RELN: variants seen among roughly 807,000 people sequenced by gnomAD.
RELN encodes reelin.
A neutral mutation model predicts 427.6 loss-of-function variants in RELN; 108 were observed. The observed-to-expected ratio is 0.25, with a 90% confidence interval of 0.22 to 0.30. RELN has a LOEUF of 0.30. Among genes scored for constraint, RELN ranks in the 10% least tolerant of loss-of-function variants. The pLI, the probability that RELN is intolerant of heterozygous loss-of-function variation, is 1.00. For missense variants in RELN, 3,715 were observed against 4,302.8 expected, an observed-to-expected ratio of 0.86 and a Z score of 3.82; for synonymous variants, 1,524 against 1,513.4, an observed-to-expected ratio of 1.01 and a Z score of -0.16.
chr7:103,478,094 C>A (rs984515677), intron 64 of RELN, among the ~76,000 whole-genome samples: 1 of 152,130 alleles, frequency 6.6e-6, no homozygotes, highest in South Asian at 2.1e-4. Flanking sequence ...AAGCACAGAG[C>A]AGAATCTAAG....
chr7:103,717,431 C>G (rs1394895563), intron 8 of RELN, among the ~76,000 whole-genome samples: 1 of 150,992 alleles, frequency 6.6e-6, no homozygotes, highest in East Asian at 1.9e-4. Context: ...CAGTTTCACA[C>G]CTTTACTTAC....
At chr7:103,615,963 C>G (rs1832069933) in intron 20 of RELN, among the ~76,000 whole-genome samples, 1 of 152,088 alleles carries the variant, frequency 6.6e-6, no homozygotes, top group Admixed American at 6.6e-5. Context: ...ACACACATAG[C>G]CAAAGTAAGT....
At chr7:103,899,647 A>C (rs540216271) in intron 2 of RELN, among the ~76,000 whole-genome samples, 251 of 152,070 alleles carry the variant, frequency 1.7e-3, no homozygotes, top group African/African-American at 5.5e-3. Context: ...CATACACAAC[A>C]TACACAAATT....
Position 103,635,478 on chromosome 7 carries a change from C to T in RELN, c.2412G>A (p.Gly804=). The change falls in exon 19 of 65, where the codon GGG becomes GGA. Residue 804 remains glycine (G), a synonymous_variant. Coordinates refer to ENST00000428762, the MANE Select transcript of RELN (RefSeq NM_005045.4). Reference sequence around the variant, plus strand: ...AATGCTCCAGGAGTTTCCAAGTTATCCCATTATCATAAGAATAATGCAACA... The same window carrying T: ...AATGCTCCAGGAGTTTCCAAGTTATTCCATTATCATAAGAATAATGCAACA... ...GVLLHYSYDN[G]ITWKLLEHYS... 6.2e-7 allele frequency: 1 copy of T among 1,613,900 alleles called. No individual in the cohort carries two copies. The highest frequency in any genetic ancestry group is 8.5e-7 in the Non-Finnish European group (1 of 1,179,870).
Position 103,522,167 on chromosome 7 carries a change from T to A in RELN, c.7523A>T (p.Asp2508Val), listed in dbSNP as rs1315413881. The stretch of plus-strand genomic sequence containing the variant: ...GGTTGGAAGAGAGGTCTCGGGGTCA[T>A]CACAGTACAGGCCACCCCACTGTTC... ...CDEQWGGLYC[D>V]DPETSLPTQL... is the part of the protein sequence containing the mutation. The change falls in exon 48 of 65, where the codon GAT becomes GTT. Residue 2508 changes from aspartate (D) to valine (V), a missense_variant. Physicochemically the swap from Asp to Val is radical, Grantham distance 152. Around this residue, in one of 4 missense-constraint regions of RELN, gnomAD observed 1,310 missense variants for 1,643.0 expected, o/e 0.80. Transcript: ENST00000428762. 1 of 1,614,014 alleles carries A rather than the reference T, an allele frequency of 6.2e-7. No individual in the cohort carries two copies. The highest frequency in any genetic ancestry group is 1.1e-5 in the South Asian group (1 of 91,066).
chr7:103,679,569 C>A (rs1291608674), intron 11 of RELN, among the ~76,000 whole-genome samples: 1 of 152,112 alleles, frequency 6.6e-6, no homozygotes, highest in Non-Finnish European at 1.5e-5. Context: ...GAGAAATGTC[C>A]AAAGAGCATA....
chr7:103,600,221 T>C (rs1265232691), intron 24 of RELN, among the ~76,000 whole-genome samples: 1 of 152,178 alleles, frequency 6.6e-6, no homozygotes, highest in African/African-American at 2.4e-5. Flanking sequence ...GATAATATGA[T>C]CTAGGCTGGT....
chr7:103,539,426 T>A lies in RELN; in HGVS notation c.6931-99A>T, dbSNP rs78760507. The A allele has an allele frequency of 7.0e-4, 909 of 1,290,750 alleles. 6 individuals are homozygous for A. The African/African-American group carries it at 0.012, about 17-fold the overall frequency. 80.0% of individuals were successfully genotyped at this position (1,290,750 alleles called of 1,614,324 possible). A position where few individuals can be genotyped will look rare whatever the true frequency, so the allele number is the denominator to read the frequency against. ...TGTTTGTTTGTTTGTTTTGATCTGT[T>A]GGCCTGCTCAGAACTGGCACTGGAC... is the stretch of plus-strand genomic sequence containing the variant. On this transcript the variant is annotated intron_variant, in intron 44 of 64. Coordinates refer to ENST00000428762, the MANE Select transcript of RELN (RefSeq NM_005045.4).
intron 6 of RELN, among the ~76,000 whole-genome samples, chr7:103,739,520 CCT>C (rs1364301049): frequency 6.6e-6 from 1 of 152,130 alleles, no homozygotes; most frequent in Non-Finnish European, 1.5e-5. Flanking sequence ...TCTCCCTCAC[CCT>C]CTTGGGTTCA....
intron 1 of RELN, among the ~76,000 whole-genome samples, chr7:103,931,972 G>T: frequency 6.6e-6 from 1 of 152,216 alleles, no homozygotes. Context: ...GTAGAAAGCA[G>T]TGTGGCAACT....
At chr7:103,722,583 A>G (rs976388539) in intron 8 of RELN, among the ~76,000 whole-genome samples, 11 of 152,204 alleles carry the variant, frequency 7.2e-5, no homozygotes, top group African/African-American at 2.7e-4. Flanking sequence ...ACCTGATCAG[A>G]AGGCACCTTA....
intron 55 of RELN, among the ~76,000 whole-genome samples, chr7:103,497,381 T>C (rs1828872450): frequency 6.6e-6 from 1 of 152,230 alleles, no homozygotes. Flanking sequence ...TATTAAAATA[T>C]TCTATGACAA....
chr7:103,808,351 T>C (rs1025874826), intron 3 of RELN, among the ~76,000 whole-genome samples: 2 of 151,986 alleles, frequency 1.3e-5, no homozygotes, highest in Non-Finnish European at 2.9e-5. Flanking sequence ...ACATGGCACA[T>C]GTATACATAT....
chr7:103,700,746 C>T (rs1180521489), intron 9 of RELN, among the ~76,000 whole-genome samples, 164 bp downstream of exon 9: 2 of 152,046 alleles, frequency 1.3e-5, no homozygotes, highest in African/African-American at 2.4e-5. Context: ...ATATCTTCTC[C>T]GAGCAGGGCT....
intron 1 of RELN, among the ~76,000 whole-genome samples, chr7:103,955,196 C>A (rs1006257460): frequency 6.6e-6 from 1 of 152,176 alleles, no homozygotes; most frequent in Non-Finnish European, 1.5e-5. Flanking sequence ...CTATGCCTAT[C>A]TATGAGACCT....
At position 103,651,912 on chromosome 7, in the gene RELN, GATGC is replaced by G. The variant is rs1832924749; in HGVS notation, c.1764-127_1764-124del. 8.9e-6 allele frequency: 9 copies of G among 1,013,900 alleles called. No individual in the cohort carries two copies. In the South Asian group the frequency reaches 1.3e-4, roughly 14 times the overall value. 62.8% of individuals were successfully genotyped at this position (1,013,900 alleles called of 1,614,324 possible). A position where few individuals can be genotyped will look rare whatever the true frequency, so the allele number is the denominator to read the frequency against. ...TAAAAACAGTGTAAAATTTTTTAAA[GATGC>G]TGTTTCCTAAATGATTGTTTTCTCT... On this transcript the variant is annotated intron_variant, in intron 14 of 64. Transcript: ENST00000428762.
At chr7:103,772,548 G>C (rs2116185830) in intron 4 of RELN, among the ~76,000 whole-genome samples, 1 of 152,278 alleles carries the variant, frequency 6.6e-6, no homozygotes, top group Non-Finnish European at 1.5e-5. Flanking sequence ...AGAGAGTTAT[G>C]TATGAGGGTT....
chr7:103,948,516 T>C (rs1211059083), intron 1 of RELN, among the ~76,000 whole-genome samples: 2 of 151,888 alleles, frequency 1.3e-5, no homozygotes, highest in Non-Finnish European at 2.9e-5. Context: ...CTACTAAAAA[T>C]ACAAAAATTA....
At chr7:103,666,112 G>A (rs953302228) in intron 11 of RELN, among the ~76,000 whole-genome samples, 2 of 151,818 alleles carry the variant, frequency 1.3e-5, no homozygotes, top group African/African-American at 2.4e-5. Flanking sequence ...TGTTCAGGCT[G>A]GAGTGCAGTG....
Sources: gnomAD v4.1 joint callset for allele counts (sites outside exome capture counted in the v4.1 genomes callset) on GRCh38, gnomAD v4.1.1 for gene constraint, gnomAD v4.1.1 regional missense constraint, MANE v1.5 for transcripts, NCBI Gene and HGNC (gene_info 2026-07-23, HGNC 2026-07-21) for gene names.